The following ATXN1 variants were observed in gnomAD, a reference collection of about 807,000 sequenced individuals.
ATXN1 encodes the protein ataxin-1.
Under a neutral mutation model 56.4 loss-of-function variants are expected in ATXN1, and 8 were observed. That is an observed-to-expected ratio of 0.14 (90% CI 0.08 to 0.26). The LOEUF (loss-of-function observed/expected upper bound fraction) is 0.26, where lower values mean the gene tolerates loss of function less well. ATXN1 is among the 10% of genes least tolerant of loss of function. The probability of loss-of-function intolerance (pLI) is 1.00; values close to 1 mark genes in which losing one functional copy is unlikely to be tolerated. For missense variants in ATXN1, 987 were observed against 1,106.5 expected, an observed-to-expected ratio of 0.89 and a Z score of 1.53; for synonymous variants, 514 against 494.6, an observed-to-expected ratio of 1.04 and a Z score of -0.52.
intron 4 of ATXN1, among the ~76,000 whole-genome samples, chr6:16,527,020 T>TA (rs76670120): frequency 0.017 from 1,810 of 103,496 alleles, 16 homozygotes; most frequent in African/African-American, 0.037. Flanking sequence ...GGTGAAAACC[T>TA]AAAAAAAAAA....
intron 6 of ATXN1, among the ~76,000 whole-genome samples, chr6:16,348,697 G>GA (rs75457709): frequency 6.9e-4 from 100 of 145,542 alleles, no homozygotes; most frequent in African/African-American, 9.0e-4. Flanking sequence ...CTCTGCCTTA[G>GA]AAAAAAAAAA....
In ATXN1 at chr6:16,506,833, AG is replaced by A. The variant is rs1178895877; in HGVS notation, c.-299+15793del. ...ATTCTCTTCTACCCTAAGGGAGTAAAGGGCATGCCAATGATTATTGATAACA... is the reference window on the plus strand; with the variant it reads ...ATTCTCTTCTACCCTAAGGGAGTAAAGGCATGCCAATGATTATTGATAACA... On this transcript the variant is annotated intron_variant, in intron 5 of 7. Coordinates refer to ENST00000436367, the MANE Select transcript of ATXN1 (RefSeq NM_001128164.2). The surrounding 1 kb of genome is among the most constrained non-coding windows in gnomAD (Gnocchi z 4.1). Among the ~76,000 whole-genome samples the A allele has an allele frequency of 1.3e-5, 2 of 152,184 alleles. No individual in the cohort carries two copies. Among genetic ancestry groups the A allele is most frequent in the Non-Finnish European group, 2.9e-5 (2 of 68,026 alleles).
At chr6:16,543,587 T>C (rs1761756241) in intron 4 of ATXN1, among the ~76,000 whole-genome samples, 1 of 149,842 alleles carries the variant, frequency 6.7e-6, no homozygotes, top group East Asian at 2.0e-4. Context: ...TATTCAGTAA[T>C]TCTGTTTGCA....
At chr6:16,309,956 C>A (rs1381786516) in intron 7 of ATXN1, among the ~76,000 whole-genome samples, 1 of 152,034 alleles carries the variant, frequency 6.6e-6, no homozygotes, top group African/African-American at 2.4e-5. Flanking sequence ...ATCACTTGAA[C>A]CCGGGAGGCG....
At chr6:16,639,735 T>A (rs1763673048) in intron 3 of ATXN1, among the ~76,000 whole-genome samples, 1 of 152,246 alleles carries the variant, frequency 6.6e-6, no homozygotes, top group South Asian at 2.1e-4. Flanking sequence ...ACATGCCAAC[T>A]CACTACTTTT....
intron 2 of ATXN1, among the ~76,000 whole-genome samples, chr6:16,690,354 T>G (rs1581367965): frequency 1.3e-5 from 2 of 151,858 alleles, no homozygotes; most frequent in African/African-American, 4.8e-5. Flanking sequence ...CTTGGCCCAG[T>G]GCTGTTATTC....
At chr6:16,425,969 C>G (rs573909284) in intron 6 of ATXN1, among the ~76,000 whole-genome samples, 1 of 152,124 alleles carries the variant, frequency 6.6e-6, no homozygotes, top group Non-Finnish European at 1.5e-5. Context: ...TGATATTAAC[C>G]ACTGTCTGCC....
At chr6:16,477,592 G>A (rs1432184619) in intron 6 of ATXN1, among the ~76,000 whole-genome samples, 2 of 152,194 alleles carry the variant, frequency 1.3e-5, no homozygotes, top group Admixed American at 1.3e-4. Context: ...CTGTCATGGT[G>A]TTTCCCTTCC....
rs1250525241 is a variant in ATXN1, at chr6:16,344,007, C to T, written c.-160-15537G>A. Among the ~76,000 whole-genome samples the T allele has an allele frequency of 3.3e-5, 5 of 152,286 alleles. No homozygotes were observed. In the East Asian group the frequency reaches 5.8e-4, roughly 18 times the overall value. On this transcript the variant is annotated intron_variant, in intron 6 of 7. Coordinates refer to ENST00000436367, the MANE Select transcript of ATXN1 (RefSeq NM_001128164.2). ...GCAGTGGTTCTTATACTCGAGCGTG[C>T]GCATCACATTCACCCGGAGTTCCCA...
Position 16,326,626 on chromosome 6 carries a change from G to T in ATXN1, c.1685C>A (p.Ser562Tyr). 6.2e-7 allele frequency: 1 copy of T among 1,613,974 alleles called. No homozygotes were observed. Among genetic ancestry groups the T allele is most frequent in the Admixed American group, 1.7e-5 (1 of 60,034 alleles). Residue 562 changes from serine (S) to tyrosine (Y), a missense_variant, in exon 7 of 8, where the codon TCC becomes TAC. Physicochemically the swap from Ser to Tyr is moderately radical, Grantham distance 144 (BLOSUM62 -2). Transcript: ENST00000436367. This position sits in a 1 kb window ranked among gnomAD's most constrained non-coding sequence, Gnocchi z 6.6. ...CAGCGTAGGGGGAGCCGCCGCCGGG[G>T]AGGCCACGGACTGCACCACAGGCAG... is the stretch of plus-strand genomic sequence containing the variant. ...IHLPVVQSVA[S>Y]PAAAPPTLPP...
chr6:16,490,688 G>C (rs1358686446), intron 5 of ATXN1, among the ~76,000 whole-genome samples: 2 of 152,100 alleles, frequency 1.3e-5, no homozygotes, highest in African/African-American at 4.8e-5. Flanking sequence ...TGCCTGAACA[G>C]CATCTTTTCT....
chr6:16,635,880 C>A (rs1332545507), intron 3 of ATXN1, among the ~76,000 whole-genome samples: 2 of 152,100 alleles, frequency 1.3e-5, no homozygotes, highest in Non-Finnish European at 2.9e-5. Context: ...GCGACGACGC[C>A]CACTGTGCTG....
At chr6:16,613,905 T>C (rs2113793721) in intron 3 of ATXN1, among the ~76,000 whole-genome samples, 1 of 152,010 alleles carries the variant, frequency 6.6e-6, no homozygotes, top group African/African-American at 2.4e-5. Flanking sequence ...ATTTAAGAAG[T>C]AAAAATCCTG....
At chr6:16,519,139 T>C (rs2113692774) in intron 5 of ATXN1, among the ~76,000 whole-genome samples, 1 of 152,234 alleles carries the variant, frequency 6.6e-6, no homozygotes, top group South Asian at 2.1e-4. Flanking sequence ...GTTGTGAGCA[T>C]TAGAGAAATT....
intron 3 of ATXN1, chr6:16,615,203 T>C (rs1427664313): frequency 3.4e-5 from 5 of 147,176 alleles, no homozygotes; most frequent in Non-Finnish European, 6.0e-5. Context: ...TTTCTTCTCC[T>C]TGAGGCAACT....
intron 4 of ATXN1, among the ~76,000 whole-genome samples, chr6:16,542,004 T>C (rs995413513): frequency 3.3e-5 from 5 of 152,160 alleles, no homozygotes; most frequent in Non-Finnish European, 5.9e-5. Context: ...TGGGAATAAA[T>C]TGATAGGTGT....
chr6:16,307,706 G>A (rs952254852), intron 7 of ATXN1, among the ~76,000 whole-genome samples: 3 of 150,148 alleles, frequency 2.0e-5, no homozygotes, highest in East Asian at 1.9e-4. Context: ...AATTTCCAAT[G>A]TCCTTTCTAG....
intron 3 of ATXN1, among the ~76,000 whole-genome samples, chr6:16,594,365 A>G (rs1762777311): frequency 6.6e-6 from 1 of 151,884 alleles, no homozygotes; most frequent in Non-Finnish European, 1.5e-5. Flanking sequence ...CTACACTCCC[A>G]CCAGCAGTGC....
chr6:16,358,747 G>A (rs986392323), intron 6 of ATXN1, among the ~76,000 whole-genome samples: 5 of 152,132 alleles, frequency 3.3e-5, no homozygotes, highest in African/African-American at 9.7e-5. Flanking sequence ...CAGGAGCCCC[G>A]CCCTCTTGGG....
Sources: gnomAD v4.1 joint callset for allele counts (sites outside exome capture counted in the v4.1 genomes callset) on GRCh38, gnomAD v4.1.1 for gene constraint, Gnocchi (gnomAD v3.1) non-coding constraint, MANE v1.5 for transcripts, NCBI Gene and HGNC (gene_info 2026-07-23, HGNC 2026-07-21) for gene names.